The following PHF8 variants were observed in gnomAD, a reference collection of about 807,000 sequenced individuals.
The protein encoded by PHF8 is PHD finger protein 8, also known as histone lysine demethylase PHF8.
PHF8 carries 9 observed loss-of-function variants against 74.4 expected under a neutral mutation model. The observed-to-expected ratio is 0.12, with a 90% CI of 0.07 to 0.21. The LOEUF (loss-of-function observed/expected upper bound fraction) is 0.21, where lower values mean the gene tolerates loss of function less well. Among genes scored for constraint, PHF8 ranks in the 10% least tolerant of loss-of-function variants. The probability of loss-of-function intolerance (pLI) is 1.00; values close to 1 mark genes in which losing one functional copy is unlikely to be tolerated. For missense variants in PHF8, 478 were observed against 816.6 expected, an observed-to-expected ratio of 0.59 and a Z score of 5.05; for synonymous variants, 311 against 316.6, an observed-to-expected ratio of 0.98 and a Z score of 0.19.
intron 2 of PHF8, among the ~76,000 whole-genome samples, chrX:54,042,340 T>G (rs2066571512): frequency 1.3e-5 from 1 of 76,323 alleles, no homozygotes; most frequent in African/African-American, 5.2e-5. Context: ...TAGAGAAGAA[T>G]ATAAAAATGA....
At chrX:53,991,732 G>A (rs1557101447) in intron 14 of PHF8, among the ~76,000 whole-genome samples, 1 of 107,158 alleles carries the variant, frequency 9.3e-6, no homozygotes, top group Non-Finnish European at 1.9e-5. Flanking sequence ...GGCCAGGCAA[G>A]GTGGCTCACA....
At chrX:54,048,167 C>G (rs1048430326), upstream of PHF8, among the ~76,000 whole-genome samples, 1 of 94,755 alleles carries the variant, frequency 1.1e-5, no homozygotes, top group Non-Finnish European at 2.1e-5. Context: ...CCAGCCTGGG[C>G]GACAGAGCAA....
chrX:54,029,687 A>G (rs782509503), intron 2 of PHF8, among the ~76,000 whole-genome samples: 23 of 111,119 alleles, frequency 2.1e-4, no homozygotes, highest in Non-Finnish European at 3.4e-4. Context: ...CATGAACCCA[A>G]CCGACTCTGT....
At chrX:54,045,114 C>T, upstream of PHF8, 1 of 386,725 alleles carries the variant, frequency 2.6e-6, no homozygotes, top group Non-Finnish European at 4.5e-6. Context: ...GCCAACTCCA[C>T]AACTCCCTCT....
intron 19 of PHF8, among the ~76,000 whole-genome samples, chrX:53,961,778 A>T (rs1249794624): frequency 1.8e-5 from 2 of 111,533 alleles, no homozygotes; most frequent in African/African-American, 6.5e-5. Context: ...TCTGCTGGGG[A>T]ACCACAGGTA....
At position 53,937,933 on chromosome X, in the gene PHF8, C is replaced by G; in HGVS notation, c.*1225G>C. ...CTGTCTGGACAATGGAGACAATCCA[C>G]GAAGGAAGGACAGGGGAAGGGGAGG... On this transcript the variant is annotated 3_prime_UTR_variant, in exon 22 of 22. Coordinates refer to ENST00000338154, the MANE Select transcript of PHF8 (RefSeq NM_015107.3). The G allele has an allele frequency of 2.8e-6, 3 of 1,062,675 alleles. No homozygotes were observed. The highest frequency in any genetic ancestry group is 2.6e-6 in the Non-Finnish European group (2 of 780,630). The allele number at this position is 1,062,675 out of a possible 1,213,427, so 87.6% of individuals were successfully genotyped here.
intron 2 of PHF8, among the ~76,000 whole-genome samples, chrX:54,023,965 TC>T (rs1483715363): frequency 9.0e-6 from 1 of 111,062 alleles, no homozygotes; most frequent in Non-Finnish European, 1.9e-5. Flanking sequence ...TAAATGGACT[TC>T]CTGGGATTAG....
intron 18 of PHF8, among the ~76,000 whole-genome samples, chrX:53,975,721 A>G (rs1054528642): frequency 8.9e-6 from 1 of 111,813 alleles, no homozygotes; most frequent in Non-Finnish European, 1.9e-5. Context: ...AGAGGCTGGG[A>G]AAGGAAGCGG....
upstream of PHF8, among the ~76,000 whole-genome samples, chrX:54,045,911 C>T (rs1330856317): frequency 9.5e-6 from 1 of 105,020 alleles, no homozygotes; most frequent in Non-Finnish European, 1.9e-5. Context: ...GTAGCTTAGT[C>T]TCATATTTGT....
chrX:54,035,424 A>G (rs1028972939), intron 2 of PHF8, among the ~76,000 whole-genome samples: 4 of 104,891 alleles, frequency 3.8e-5, no homozygotes, highest in East Asian at 5.6e-4. Context: ...TGTCAAGAGC[A>G]GTTGCTTATG....
Position 53,987,096 on chromosome X carries a change from T to C in PHF8, c.1977A>G (p.Glu659=). ...ATCCTACCTCAATGTCAAACTCAAC[T>C]TCTCCTGGTTCACGAACTCGGTTGG... ...SDPNRVREPG[E]VEFDIEEDYT... Residue 659 remains glutamate (E), a synonymous_variant, in exon 16 of 22, where the codon GAA becomes GAG. Coordinates refer to ENST00000338154, the MANE Select transcript of PHF8 (RefSeq NM_015107.3). The C allele has an allele frequency of 8.4e-7, 1 of 1,193,979 alleles. No homozygotes were observed. The highest frequency in any genetic ancestry group is 1.1e-6 in the Non-Finnish European group (1 of 879,635).
intron 16 of PHF8, 71 bp downstream of exon 16, chrX:53,987,007 T>C: frequency 3.1e-6 from 2 of 644,294 alleles, no homozygotes; most frequent in South Asian, 2.3e-5. Context: ...ATCCCCCAAC[T>C]AGAATGACAA....
intron 19 of PHF8, among the ~76,000 whole-genome samples, chrX:53,957,454 G>T (rs1009901741): frequency 4.5e-5 from 5 of 110,761 alleles, no homozygotes; most frequent in African/African-American, 1.6e-4. Context: ...CCGGGAGGCA[G>T]AGGTTGCAGT....
chrX:53,974,265 CA>C (rs1349263711), intron 18 of PHF8, among the ~76,000 whole-genome samples: 26 of 95,271 alleles, frequency 2.7e-4, no homozygotes, highest in Admixed American at 2.3e-4. Flanking sequence ...GACTCCGTCT[CA>C]AAAAAAAAAA....
intron 18 of PHF8, among the ~76,000 whole-genome samples, chrX:53,971,768 G>A (rs181689458): frequency 1.8e-5 from 2 of 111,098 alleles, no homozygotes; most frequent in East Asian, 2.8e-4. Context: ...TACACCCTCC[G>A]AAGAATGAAC....
At chrX:53,984,373 AC>A (rs2149826364) in intron 18 of PHF8, among the ~76,000 whole-genome samples, 1 of 111,999 alleles carries the variant, frequency 8.9e-6, no homozygotes, top group African/African-American at 3.2e-5. Context: ...CTCAAAAAAA[AC>A]AAAACAAAAC....
chrX:53,999,526 G>A (rs1362247426), intron 11 of PHF8: 6 of 221,031 alleles, frequency 2.7e-5, no homozygotes, highest in Non-Finnish European at 4.9e-5. Context: ...ACCACACAGT[G>A]TGACAGTAAT....
intron 4 of PHF8, among the ~76,000 whole-genome samples, chrX:54,020,547 G>A (rs1557109563): frequency 9.0e-6 from 1 of 111,122 alleles, no homozygotes; most frequent in Non-Finnish European, 1.9e-5. Flanking sequence ...ATATATAGTT[G>A]TTTCCATTTG....
At chrX:54,008,403 C>T (rs1424228195) in intron 8 of PHF8, among the ~76,000 whole-genome samples, 1 of 100,793 alleles carries the variant, frequency 9.9e-6, no homozygotes, top group Non-Finnish European at 2.0e-5. Flanking sequence ...AAGATGCACT[C>T]GCCAGGGAGC....
Sources: allele counts gnomAD v4.1 joint callset (sites outside exome capture counted in the v4.1 genomes callset), GRCh38; gene constraint gnomAD v4.1.1; transcripts MANE v1.5; gene names NCBI Gene and HGNC (gene_info 2026-07-23, HGNC 2026-07-21).